Variants in SERPINE2 observed in about 807,000 individuals in gnomAD.
SERPINE2 encodes glia-derived nexin.
A neutral mutation model predicts 36.3 loss-of-function variants in SERPINE2; 14 were observed. The ratio of observed to expected loss-of-function variants is 0.39; its 90% CI spans 0.25 to 0.60. The LOEUF is 0.60. Ranked by LOEUF, SERPINE2 falls within the 20% of genes least tolerant of loss-of-function variation. The pLI is 0.57. For missense variants in SERPINE2, 418 were observed against 499.6 expected, an observed-to-expected ratio of 0.84 and a Z score of 1.56; for synonymous variants, 192 against 191.8, an observed-to-expected ratio of 1.00 and a Z score of -0.01.
intron 1 of SERPINE2, among the ~76,000 whole-genome samples, chr2:224,026,526 G>A (rs982200762): frequency 2.0e-5 from 3 of 152,164 alleles, no homozygotes; most frequent in African/African-American, 7.2e-5. Flanking sequence ...GTCACTCATG[G>A]ATCTCATCTA....
chr2:224,021,886 G>C (rs180674526), intron 1 of SERPINE2, among the ~76,000 whole-genome samples: 1 of 152,084 alleles, frequency 6.6e-6, no homozygotes, highest in South Asian at 2.1e-4. Context: ...TAGGCTGGGC[G>C]TGGTGGCTCA....
chr2:224,029,764 A>G (rs2106200665), intron 1 of SERPINE2, among the ~76,000 whole-genome samples: 3 of 152,358 alleles, frequency 2.0e-5, no homozygotes, highest in Middle Eastern at 6.8e-3. Context: ...CAGTGGCACA[A>G]TTCTGCTTAC....
chr2:224,015,510 A>G (rs1691772214), intron 1 of SERPINE2, among the ~76,000 whole-genome samples: 1 of 152,206 alleles, frequency 6.6e-6, no homozygotes, highest in East Asian at 1.9e-4. Flanking sequence ...ATTATTCTGG[A>G]AATATTTTTC....
chr2:224,007,640 G>A (rs1421573989), intron 1 of SERPINE2, among the ~76,000 whole-genome samples: 1 of 152,028 alleles, frequency 6.6e-6, no homozygotes, highest in Non-Finnish European at 1.5e-5. Context: ...GTCCATGTTC[G>A]CATTTTTTAT....
intron 4 of SERPINE2, among the ~76,000 whole-genome samples, chr2:223,985,524 A>T (rs1239249644): frequency 3.3e-5 from 5 of 152,144 alleles, no homozygotes; most frequent in Non-Finnish European, 7.4e-5. Context: ...TCTAGTCCTC[A>T]TTTTGGATAA....
chr2:223,987,159 T>C (rs1265820009), intron 4 of SERPINE2, among the ~76,000 whole-genome samples: 4 of 152,172 alleles, frequency 2.6e-5, no homozygotes, highest in African/African-American at 9.7e-5. Flanking sequence ...CCTACAATAA[T>C]AGCACCTACT....
At chr2:224,005,967 T>C (rs186429713) in intron 1 of SERPINE2, among the ~76,000 whole-genome samples, 1 of 152,342 alleles carries the variant, frequency 6.6e-6, no homozygotes, top group East Asian at 1.9e-4. Flanking sequence ...ACTTCAAACC[T>C]TTCTCCTTTC....
intron 1 of SERPINE2, among the ~76,000 whole-genome samples, chr2:224,029,714 T>C (rs1037872200): frequency 1.3e-5 from 2 of 152,250 alleles, no homozygotes; most frequent in African/African-American, 2.4e-5. Context: ...TTTTGTTTTA[T>C]TTTGAGACAG....
chr2:223,985,119 C>T (rs1690376672), intron 4 of SERPINE2, 169 bp from the exon 5 acceptor site: 2 of 615,828 alleles, frequency 3.2e-6, no homozygotes, highest in Admixed American at 2.9e-5. Context: ...TTTCTTCCTT[C>T]CCCAGTGAAG....
At chr2:224,028,896 G>A (rs1402535071) in intron 1 of SERPINE2, among the ~76,000 whole-genome samples, 1 of 152,174 alleles carries the variant, frequency 6.6e-6, no homozygotes, top group Non-Finnish European at 1.5e-5. Flanking sequence ...GTAGAGAGCA[G>A]TACACAAGCA....
At chr2:224,025,138 A>G (rs951297760) in intron 1 of SERPINE2, among the ~76,000 whole-genome samples, 2 of 152,058 alleles carry the variant, frequency 1.3e-5, no homozygotes, top group African/African-American at 4.8e-5. Context: ...CATCACACAG[A>G]AAAAAAAGAG....
chr2:224,024,750 TG>T (rs1334072923), intron 1 of SERPINE2, among the ~76,000 whole-genome samples: 1 of 152,256 alleles, frequency 6.6e-6, no homozygotes, highest in East Asian at 1.9e-4. Flanking sequence ...AAGACCCGCC[TG>T]CTGCCCTGCT....
intron 1 of SERPINE2, among the ~76,000 whole-genome samples, chr2:224,019,547 C>A (rs940798898): frequency 1.3e-5 from 2 of 151,994 alleles, no homozygotes; most frequent in Non-Finnish European, 2.9e-5. Flanking sequence ...CCTTGTTCAT[C>A]CTGTTCACCA....
Position 224,035,014 on chromosome 2 carries a change from G to A in SERPINE2, c.-23+4085C>T, listed in dbSNP as rs530126676. Among the ~76,000 whole-genome samples the A allele has an allele frequency of 2.0e-5, 3 of 152,322 alleles. No individual in the cohort carries two copies. In the East Asian group the frequency reaches 5.8e-4, roughly 29 times the overall value. On this transcript the variant is annotated intron_variant, in intron 1 of 8. Transcript: ENST00000409304. ...ACATGGCCACTCCTTTAGAGTCAGG[G>A]ATTTAAGCCCAGATCAAGAGGGAGC...
At chr2:224,003,691 T>A in intron 1 of SERPINE2, among the ~76,000 whole-genome samples, 1 of 152,230 alleles carries the variant, frequency 6.6e-6, no homozygotes, top group East Asian at 1.9e-4. Flanking sequence ...GCAAATACTT[T>A]CATTAAGTAA....
intron 1 of SERPINE2, chr2:224,031,432 C>T (rs1692361988): frequency 3.0e-6 from 3 of 985,538 alleles, no homozygotes; most frequent in Non-Finnish European, 3.6e-6. Context: ...CTGGGGAACG[C>T]CAGGCAGCAC....
chr2:224,038,475 G>T (rs370301825), intron 1 of SERPINE2: 1 of 1,550,180 alleles, frequency 6.5e-7, no homozygotes, highest in African/African-American at 1.4e-5. Flanking sequence ...TCTGAGTACC[G>T]TACTTTCATT....
intron 1 of SERPINE2, among the ~76,000 whole-genome samples, chr2:224,006,804 T>A (rs1691441812): frequency 6.6e-6 from 1 of 152,088 alleles, no homozygotes; most frequent in South Asian, 2.1e-4. Context: ...TCAGGAAAAA[T>A]GAAAAAGAGT....
intron 1 of SERPINE2, among the ~76,000 whole-genome samples, chr2:224,023,516 G>A (rs1482322218): frequency 1.3e-5 from 2 of 152,324 alleles, no homozygotes; most frequent in African/African-American, 4.8e-5. Context: ...AACCTGAGAA[G>A]GAAGTAAGGG....
Sources: allele counts gnomAD v4.1 joint callset (sites outside exome capture counted in the v4.1 genomes callset), GRCh38; gene constraint gnomAD v4.1.1; transcripts MANE v1.5; gene names NCBI Gene and HGNC (gene_info 2026-07-23, HGNC 2026-07-21).